CDH20: variants seen among roughly 807,000 people sequenced by gnomAD.
CDH20 encodes the protein cadherin-20.
A neutral mutation model predicts 74.2 loss-of-function variants in CDH20; 29 were observed. That is an observed-to-expected ratio of 0.39 (90% CI 0.29 to 0.53). The LOEUF (loss-of-function observed/expected upper bound fraction) is 0.53. Among genes scored for constraint, CDH20 ranks in the 20% least tolerant of loss-of-function variants. CDH20 has a pLI of 0.69. For missense variants in CDH20, 988 were observed against 1,048.3 expected, an observed-to-expected ratio of 0.94 and a Z score of 0.79; for synonymous variants, 469 against 405.4, an observed-to-expected ratio of 1.16 and a Z score of -1.88.
Position 61,497,430 on chromosome 18 carries a change from G to C in CDH20, c.247-1756G>C, listed in dbSNP as rs1458185951. Among the ~76,000 whole-genome samples, 3 of 152,162 alleles carry C rather than the reference G, an allele frequency of 2.0e-5. No homozygotes were observed. In the East Asian group the frequency reaches 5.8e-4, roughly 29 times the overall value. Reference sequence around the variant, plus strand: ...GCTGTTTAATCCTCAGAGTAACACTGTCTCAGCCATGCTTCAGGCGGCCTT... The same window carrying C: ...GCTGTTTAATCCTCAGAGTAACACTCTCTCAGCCATGCTTCAGGCGGCCTT... On this transcript the variant is annotated intron_variant, in intron 2 of 11. Transcript: ENST00000262717.
intron 6 of CDH20, among the ~76,000 whole-genome samples, chr18:61,508,258 C>G (rs1424473856): frequency 2.6e-5 from 4 of 152,086 alleles, no homozygotes; most frequent in African/African-American, 9.7e-5. Flanking sequence ...TATTGAGTGC[C>G]ACCTATGTGC....
chr18:61,497,188 T>C (rs1911200487), intron 2 of CDH20, among the ~76,000 whole-genome samples: 1 of 151,672 alleles, frequency 6.6e-6, no homozygotes, highest in Admixed American at 6.6e-5. Flanking sequence ...ATAAAATAAG[T>C]AGAAAAAAGC....
At chr18:61,392,909 C>T (rs889154371) in intron 1 of CDH20, among the ~76,000 whole-genome samples, 1 of 152,024 alleles carries the variant, frequency 6.6e-6, no homozygotes, top group Admixed American at 6.6e-5. Context: ...CACTGTCTGG[C>T]TGTTGCACCT....
chr18:61,461,934 AC>A (rs1342823741), intron 1 of CDH20, among the ~76,000 whole-genome samples: 1 of 152,160 alleles, frequency 6.6e-6, no homozygotes. Flanking sequence ...CTAAATAGTT[AC>A]GAAGTTGCAC....
At chr18:61,441,162 G>A (rs574575924) in intron 1 of CDH20, among the ~76,000 whole-genome samples, 1 of 152,156 alleles carries the variant, frequency 6.6e-6, no homozygotes, top group Admixed American at 6.5e-5. Context: ...TGATATAATA[G>A]CCCTCTAATA....
chr18:61,493,273 A>T (rs776129036), intron 2 of CDH20, among the ~76,000 whole-genome samples: 2 of 152,066 alleles, frequency 1.3e-5, no homozygotes, highest in Non-Finnish European at 2.9e-5. Context: ...CTCGGTCATG[A>T]CCATGATCCT....
chr18:61,396,458 A>T (rs1911981219), intron 1 of CDH20, among the ~76,000 whole-genome samples: 1 of 152,026 alleles, frequency 6.6e-6, no homozygotes, highest in African/African-American at 2.4e-5. Flanking sequence ...ACATTCTCTT[A>T]TACTTTTTCA....
intron 1 of CDH20, among the ~76,000 whole-genome samples, chr18:61,471,636 A>G (rs999075315): frequency 2.6e-5 from 4 of 152,186 alleles, no homozygotes; most frequent in African/African-American, 7.2e-5. Context: ...GCAAAATGCA[A>G]AAGTTTAAGA....
rs747628685 is a variant in CDH20, at chr18:61,539,094, G to T, written c.1479G>T (p.Glu493Asp). Residue 493 changes from glutamate to aspartate, a missense_variant, in exon 9 of 12, where the codon GAG (glutamate) becomes GAT (aspartate). Transcript: ENST00000262717. ...KVLDVNDNAP[E>D]FPRFYEAFVC... Reference sequence around the variant, plus strand: ...TAGATGTGAATGACAATGCTCCAGAGTTCCCCAGATTCTATGAAGCTTTTG... The same window carrying T: ...TAGATGTGAATGACAATGCTCCAGATTTCCCCAGATTCTATGAAGCTTTTG... 1.2e-6 allele frequency: 2 copies of T among 1,613,930 alleles called. No homozygotes were observed. The highest frequency in any genetic ancestry group is 2.7e-5 in the African/African-American group (2 of 74,900).
chr18:61,444,906 C>A (rs1320737171), intron 1 of CDH20, among the ~76,000 whole-genome samples: 1 of 152,100 alleles, frequency 6.6e-6, no homozygotes, highest in East Asian at 1.9e-4. Flanking sequence ...TCTCCTTAGC[C>A]TATTTCCTCT....
intron 1 of CDH20, among the ~76,000 whole-genome samples, chr18:61,410,770 T>A (rs1223377123): frequency 2.0e-5 from 3 of 152,306 alleles, no homozygotes; most frequent in African/African-American, 7.2e-5. Flanking sequence ...AGATTAAATA[T>A]CATAACATAA....
In CDH20 at chr18:61,507,377, T is replaced by C; in HGVS notation, c.834T>C (p.His278=). Residue 278 remains histidine (H), a synonymous_variant, in exon 6 of 12, where the codon CAT becomes CAC. Transcript: ENST00000262717. ...NDNPPRFPQK[H]YQMSVLESAP... ...TGTCCTGGCTTTTCTTCGTAGAACA[T>C]TACCAGATGAGTGTGTTGGAATCAG... 1 of 1,612,904 alleles carries C rather than the reference T, an allele frequency of 6.2e-7. No homozygotes were observed. Among genetic ancestry groups the C allele is most frequent in the Non-Finnish European group, 8.5e-7 (1 of 1,179,642 alleles).
Position 61,554,285 on chromosome 18 carries a change from G to A in CDH20, c.1996G>A (p.Asp666Asn), listed in dbSNP as rs376104724. Residue 666 changes from aspartate (D) to asparagine (N), a missense_variant, in exon 12 of 12, where the codon GAC (aspartate) becomes AAC (asparagine). Around this residue, in one of 2 missense-constraint regions of CDH20, gnomAD observed 375 missense variants for 293.1 expected, o/e 1.28. Transcript: ENST00000262717. ...ENIHENIVRY[D>N]DEGGGEEDTE... Reference sequence around the variant, plus strand: ...CATCCACGAGAACATCGTCCGCTACGACGACGAGGGCGGCGGCGAGGAGGA... The same window carrying A: ...CATCCACGAGAACATCGTCCGCTACAACGACGAGGGCGGCGGCGAGGAGGA... The A allele has an allele frequency of 6.2e-7, 1 of 1,613,840 alleles. No individual in the cohort carries two copies.
chr18:61,446,157 A>C (rs1331410422), intron 1 of CDH20, among the ~76,000 whole-genome samples: 1 of 152,202 alleles, frequency 6.6e-6, no homozygotes, highest in African/African-American at 2.4e-5. Context: ...ATACCTAAGG[A>C]GAAGGAAATT....
Position 61,527,984 on chromosome 18 carries a change from C to T in CDH20, c.1035C>T (p.Ser345=). The stretch of plus-strand genomic sequence containing the variant: ...CTTTTCAGCCCCTGAGTTTTGAAAG[C>T]AAGAAAAGCTACACCTTAAAGGTGG... ...ITVKKPLSFE[S]KKSYTLKVEG... is the part of the protein sequence containing the mutation. The change falls in exon 7 of 12, where the codon AGC becomes AGT. Residue 345 remains serine (S), a synonymous_variant. Coordinates refer to ENST00000262717, the MANE Select transcript of CDH20 (RefSeq NM_031891.4). 6.2e-7 allele frequency: 1 copy of T among 1,613,980 alleles called. No homozygotes were observed. Among genetic ancestry groups the T allele is most frequent in the African/African-American group, 1.3e-5 (1 of 75,038 alleles).
At chr18:61,349,790 CAA>C (rs1252543732) in intron 1 of CDH20, among the ~76,000 whole-genome samples, 12 of 148,770 alleles carry the variant, frequency 8.1e-5, no homozygotes, top group Admixed American at 7.3e-4. Context: ...GAAGGGCAAA[CAA>C]TATCAAAATT....
intron 7 of CDH20, among the ~76,000 whole-genome samples, chr18:61,528,446 G>GACACACACACACACAC (rs1555683467): frequency 1.0e-5 from 1 of 97,712 alleles, no homozygotes; most frequent in Admixed American, 1.4e-4. Context: ...AATTGGTTGA[G>GACACACACACACACAC]ACACACACAC....
intron 5 of CDH20, among the ~76,000 whole-genome samples, chr18:61,504,641 A>G (rs1457864768): frequency 6.6e-6 from 1 of 151,996 alleles, no homozygotes; most frequent in African/African-American, 2.4e-5. Flanking sequence ...GCAGCGGGAG[A>G]AATGAGAGCA....
chr18:61,531,197 G>A (rs996978663), intron 7 of CDH20, among the ~76,000 whole-genome samples: 1 of 152,260 alleles, frequency 6.6e-6, no homozygotes, highest in African/African-American at 2.4e-5. Flanking sequence ...TCCCCTCGAT[G>A]AGGGAGGCTT....
Sources: gnomAD v4.1 joint callset for allele counts (sites outside exome capture counted in the v4.1 genomes callset) on GRCh38, gnomAD v4.1.1 for gene constraint, gnomAD v4.1.1 regional missense constraint, MANE v1.5 for transcripts, NCBI Gene and HGNC (gene_info 2026-07-23, HGNC 2026-07-21) for gene names.